Variants in PCGF3 observed in about 807,000 individuals in gnomAD.
PCGF3 encodes the protein polycomb group ring finger 3.
PCGF3 carries 7 observed loss-of-function variants against 33.1 expected under a neutral mutation model. The ratio of observed to expected loss-of-function variants is 0.21; its 90% CI spans 0.12 to 0.40. The LOEUF is 0.40. Ranked by LOEUF, PCGF3 falls within the 10% of genes least tolerant of loss-of-function variation. The pLI is 1.00. For missense variants in PCGF3, 211 were observed against 313.3 expected, an observed-to-expected ratio of 0.67 and a Z score of 2.46; for synonymous variants, 153 against 121.3, an observed-to-expected ratio of 1.26 and a Z score of -1.72.
rs116704621 is a variant in PCGF3, at chr4:750,701, G to A, written c.462+6013G>A. Among the ~76,000 whole-genome samples the A allele has an allele frequency of 7.1e-3, 1,086 of 152,272 alleles. 17 individuals carry two copies. Among genetic ancestry groups the A allele is most frequent in the African/African-American group, 0.025 (1,026 of 41,534 alleles). ...ATTGTGAACTCCGACATCCAAGTCCGGTCGTTTTTCTTGTGGATTCTTGTT... is the reference window on the plus strand; with the variant it reads ...ATTGTGAACTCCGACATCCAAGTCCAGTCGTTTTTCTTGTGGATTCTTGTT... On this transcript the variant is annotated intron_variant, in intron 8 of 10. Coordinates refer to ENST00000362003, the Ensembl canonical transcript of PCGF3.
chr4:758,129 C>T (rs895638642), intron 8 of PCGF3, among the ~76,000 whole-genome samples: 4 of 136,516 alleles, frequency 2.9e-5, no homozygotes, highest in East Asian at 2.1e-4. Flanking sequence ...GATCGTGCCA[C>T]GGCATCCAGC....
intron 1 of PCGF3, among the ~76,000 whole-genome samples, chr4:716,901 TGC>T (rs201655253): frequency 3.0e-5 from 4 of 133,614 alleles, no homozygotes; most frequent in Non-Finnish European, 4.7e-5. Flanking sequence ...CTGTGGACAC[TGC>T]GAGTGTGAGA....
At chr4:716,676 A>G (rs868413281) in intron 1 of PCGF3, among the ~76,000 whole-genome samples, 25 of 134,452 alleles carry the variant, frequency 1.9e-4, no homozygotes, top group South Asian at 7.8e-4. Context: ...GGGACCCTGT[A>G]GACACTGTGT....
rs2152621431 is a variant in PCGF3, at chr4:761,263, G to C, written c.463-16G>C. 9 of 1,569,724 alleles carry C rather than the reference G, an allele frequency of 5.7e-6. No homozygotes were observed. The highest frequency in any genetic ancestry group is 7.8e-6 in the Non-Finnish European group (9 of 1,154,160). ...GAACCCTCCTGCTGCGCTCTCACCA[G>C]CGTCCTTTCCCGCAGGTGAGCATCT... On this transcript the variant is annotated splice_polypyrimidine_tract_variant and intron_variant, in intron 8 of 10. Transcript: ENST00000362003.
At chr4:711,521 A>C (rs945580340) in intron 1 of PCGF3, among the ~76,000 whole-genome samples, 12 of 138,592 alleles carry the variant, frequency 8.7e-5, no homozygotes, top group Non-Finnish European at 1.5e-4. Flanking sequence ...GCAGTGGCGC[A>C]ATCTCGGCTC....
At chr4:760,060 C>G (rs1039623230) in intron 8 of PCGF3, among the ~76,000 whole-genome samples, 5 of 152,222 alleles carry the variant, frequency 3.3e-5, no homozygotes, top group African/African-American at 1.2e-4. Flanking sequence ...CACCCCGGAG[C>G]AAGGATGTCT....
At chr4:716,643 T>G (rs1369041754) in intron 1 of PCGF3, among the ~76,000 whole-genome samples, 3 of 122,190 alleles carry the variant, frequency 2.5e-5, no homozygotes, top group Admixed American at 8.7e-5. Flanking sequence ...AGACACTGAG[T>G]GTGAGAACTG....
At chr4:741,653 C>T (rs564743819) in intron 6 of PCGF3, among the ~76,000 whole-genome samples, 2 of 152,148 alleles carry the variant, frequency 1.3e-5, no homozygotes, top group African/African-American at 4.8e-5. Flanking sequence ...ATGATCCGCC[C>T]GCCTCAGCCT....
chr4:710,407 C>G (rs1742513897), intron 1 of PCGF3, among the ~76,000 whole-genome samples: 1 of 152,234 alleles, frequency 6.6e-6, no homozygotes, highest in Non-Finnish European at 1.5e-5. Flanking sequence ...CATTCGGCCC[C>G]TACACACTTG....
intron 8 of PCGF3, among the ~76,000 whole-genome samples, chr4:748,381 G>A (rs1322996792): frequency 1.3e-5 from 2 of 152,088 alleles, no homozygotes; most frequent in Non-Finnish European, 2.9e-5. Flanking sequence ...TGTATTTTTA[G>A]TAGTGACAGG....
intron 3 of PCGF3, chr4:731,362 T>G: frequency 6.6e-5 from 26 of 393,862 alleles, no homozygotes; most frequent in Non-Finnish European, 1.0e-4. Context: ...TTCACTTGGG[T>G]TCCCGGCGTG....
intron 6 of PCGF3, among the ~76,000 whole-genome samples, chr4:740,514 C>T (rs562583918): frequency 2.0e-5 from 3 of 152,140 alleles, no homozygotes; most frequent in East Asian, 1.9e-4. Flanking sequence ...GGCTCCTGTC[C>T]GTTCCTGGTG....
intron 8 of PCGF3, among the ~76,000 whole-genome samples, chr4:754,163 A>G (rs6813457): frequency 0.01 from 1,552 of 151,054 alleles, 36 homozygotes; most frequent in African/African-American, 0.036. Context: ...CACCAGAAAC[A>G]GGGGAAATGG....
intron 1 of PCGF3, among the ~76,000 whole-genome samples, chr4:730,372 C>T (rs1202998414): frequency 2.6e-5 from 4 of 152,182 alleles, no homozygotes; most frequent in African/African-American, 9.6e-5. Flanking sequence ...CCCCAGCTGC[C>T]CCCCCACCCC....
At chr4:767,036 CCAGA>C (rs1745412475) in exon 11 of PCGF3, 1 of 152,292 alleles carries the variant, frequency 6.6e-6, no homozygotes, top group African/African-American at 2.4e-5. Flanking sequence ...GGGCTCATGC[CCAGA>C]CACACTCACT....
exon 11 of PCGF3, chr4:768,673 TGGG>T (rs981650281): frequency 6.6e-6 from 1 of 152,534 alleles, no homozygotes; most frequent in Non-Finnish European, 1.5e-5. Flanking sequence ...ATTTAAGATT[TGGG>T]GGGTTAAAAA....
intron 1 of PCGF3, among the ~76,000 whole-genome samples, chr4:727,067 T>C (rs1743361050): frequency 6.6e-6 from 1 of 152,176 alleles, no homozygotes; most frequent in South Asian, 2.1e-4. Context: ...CGTTGCTCAC[T>C]CTCACTGCCG....
intron 1 of PCGF3, among the ~76,000 whole-genome samples, chr4:726,143 G>A (rs1334365521): frequency 1.3e-5 from 2 of 152,234 alleles, no homozygotes; most frequent in Admixed American, 6.5e-5. Flanking sequence ...GTGGCGCTGC[G>A]GCCGTGGCTT....
At chr4:762,770 C>T (rs893001662) in intron 9 of PCGF3, 2 of 152,250 alleles carry the variant, frequency 1.3e-5, no homozygotes, top group African/African-American at 2.4e-5. Flanking sequence ...GTTATGGACT[C>T]TGGAACTGAG....
Sources: allele counts gnomAD v4.1 joint callset (sites outside exome capture counted in the v4.1 genomes callset), GRCh38; gene constraint gnomAD v4.1.1; transcripts MANE v1.5; gene names NCBI Gene and HGNC (gene_info 2026-07-23, HGNC 2026-07-21).